TJP3: variants seen among roughly 807,000 people sequenced by gnomAD.
The protein encoded by TJP3 is tight junction protein ZO-3.
Under a neutral mutation model 104.2 loss-of-function variants are expected in TJP3, and 85 were observed. The ratio of observed to expected loss-of-function variants is 0.82; its 90% CI spans 0.68 to 0.98. The LOEUF is 0.98. Among genes scored for constraint, TJP3 ranks in the 50% least tolerant of loss-of-function variants. The pLI is 0.00. For synonymous variants in TJP3, 550 were observed against 550.6 expected, an observed-to-expected ratio of 1.00 and a Z score of 0.02; for missense variants, 1,367 against 1,322.8, an observed-to-expected ratio of 1.03 and a Z score of -0.52.
In TJP3 at chr19:3,728,643, C is replaced by A; in HGVS notation, c.88C>A (p.Arg30=). The change falls in exon 3 of 21, where the codon CGA becomes AGA. Residue 30 remains arginine, a synonymous_variant. Transcript: ENST00000541714. ...RGFGIAISGG[R]DRPGGSMVVS... is the part of the protein sequence containing the mutation. ...CTTTGGCATTGCGATCTCTGGAGGC[C>A]GAGACCGGCCCGGTGGATCCATGGT... 1 of 1,613,694 alleles carries A rather than the reference C, an allele frequency of 6.2e-7. No homozygotes were observed. The highest frequency in any genetic ancestry group is 1.3e-5 in the African/African-American group (1 of 75,050).
chr19:3,740,599 T>A lies in TJP3; in HGVS notation c.1679T>A (p.Val560Asp). The A allele has an allele frequency of 1.3e-6, 2 of 1,543,826 alleles. No individual in the cohort carries two copies. Among genetic ancestry groups the A allele is most frequent in the Non-Finnish European group, 8.7e-7 (1 of 1,146,382 alleles). ...SLEAAQRAVG[V>D]GPGSSAGSNA... ...GAAGCTGCCCAGAGGGCCGTGGGAG[T>A]CGGGCCCGGCTCCTCCGCGGGCTCC... Residue 560 changes from valine (V) to aspartate (D), a missense_variant, in exon 14 of 21, where the codon GTC (valine) becomes GAC (aspartate). Val to Asp is a radical substitution (Grantham distance 152, BLOSUM62 -3). Coordinates refer to ENST00000541714, the MANE Select transcript of TJP3 (RefSeq NM_001267560.2).
rs1354357433 is a variant in TJP3 at position 3,738,993 on chromosome 19, C to A, written c.1490C>A (p.Thr497Asn). The A allele has an allele frequency of 6.2e-7, 1 of 1,613,116 alleles. No individual in the cohort carries two copies. Among genetic ancestry groups the A allele is most frequent in the African/African-American group, 1.3e-5 (1 of 74,952 alleles). ...EPSPPSGLGF[T>N]RGDVFHVLDT... Reference sequence around the variant, plus strand: ...AGTCCACCGTCTGGCCTGGGCTTCACCCGTGGCGACGTCTTCCACGTGCTG... The same window carrying A: ...AGTCCACCGTCTGGCCTGGGCTTCAACCGTGGCGACGTCTTCCACGTGCTG... The change falls in exon 13 of 21, where the codon ACC (threonine) becomes AAC (asparagine). Residue 497 changes from threonine (T) to asparagine (N), a missense_variant. Coordinates refer to ENST00000541714, the MANE Select transcript of TJP3 (RefSeq NM_001267560.2).
At chr19:3,718,542 G>C (rs2036513145) in intron 1 of TJP3, among the ~76,000 whole-genome samples, 1 of 150,958 alleles carries the variant, frequency 6.6e-6, no homozygotes, top group South Asian at 2.1e-4. Flanking sequence ...AATCTTGGCT[G>C]ACTGCAACCT....
intron 1 of TJP3, among the ~76,000 whole-genome samples, chr19:3,714,690 G>A (rs928827300): frequency 6.6e-6 from 1 of 151,984 alleles, no homozygotes; most frequent in Non-Finnish European, 1.5e-5. Context: ...GGCGGATCAC[G>A]AGGTCAGAGT....
At position 3,743,920 on chromosome 19, in the gene TJP3, C is replaced by T. The variant is rs569111149; in HGVS notation, c.1844-19C>T. The T allele has an allele frequency of 3.7e-5, 59 of 1,612,288 alleles. No individual in the cohort carries two copies. The African/African-American group carries it at 7.1e-4, about 19-fold the overall frequency. On this transcript the variant is annotated intron_variant, in intron 14 of 20. Coordinates refer to ENST00000541714, the MANE Select transcript of TJP3 (RefSeq NM_001267560.2). Reference sequence around the variant, plus strand: ...CGCAAATGGGACCCTGATTCTTTCACTGTGTCTCTACCCCTCAGCCAGTTT... The same window carrying T: ...CGCAAATGGGACCCTGATTCTTTCATTGTGTCTCTACCCCTCAGCCAGTTT...
intron 1 of TJP3, among the ~76,000 whole-genome samples, chr19:3,715,121 G>A (rs1371254639): frequency 6.8e-6 from 1 of 146,604 alleles, no homozygotes; most frequent in Non-Finnish European, 1.5e-5. Flanking sequence ...ATGGAGTCTC[G>A]CTCTGTCGCC....
Position 3,750,607 on chromosome 19 carries a change from A to G in TJP3, c.2683A>G (p.Lys895Glu). ...AACCTATGAACGGGAAGCCCTGAAG[A>G]AAAAGTTTATGCGAGTACATGATGC... is the stretch of plus-strand genomic sequence containing the variant. ...MRTYEREALK[K>E]KFMRVHDAES... The change falls in exon 21 of 21, where the codon AAA becomes GAA. Residue 895 changes from lysine to glutamate, a missense_variant. By Grantham distance (56) the Lys-to-Glu change is moderately conservative. Coordinates refer to ENST00000541714, the MANE Select transcript of TJP3 (RefSeq NM_001267560.2). 5.0e-6 allele frequency: 8 copies of G among 1,608,694 alleles called. No individual in the cohort carries two copies. The highest frequency in any genetic ancestry group is 6.8e-6 in the Non-Finnish European group (8 of 1,177,586).
chr19:3,715,153 A>C (rs960594457), intron 1 of TJP3, among the ~76,000 whole-genome samples: 6 of 150,160 alleles, frequency 4.0e-5, no homozygotes, highest in African/African-American at 1.5e-4. Flanking sequence ...GCAGTGGCGC[A>C]ATCTCGGCTC....
intron 1 of TJP3, among the ~76,000 whole-genome samples, chr19:3,723,493 T>TA (rs1299676526): frequency 1.3e-5 from 2 of 151,938 alleles, no homozygotes; most frequent in East Asian, 3.9e-4. Context: ...ATGCCTTGAA[T>TA]AAAAAATAAT....
rs1224844604 is a variant in TJP3 at position 3,730,888 on chromosome 19, C to T, written c.613+182C>T. Reference sequence around the variant, plus strand: ...TAGAGATGGGGCTTCACCATGTTGGCAAGGATGGTTTCGAATTCTTGACCT... The same window carrying T: ...TAGAGATGGGGCTTCACCATGTTGGTAAGGATGGTTTCGAATTCTTGACCT... On this transcript the variant is annotated intron_variant, in intron 5 of 20. Coordinates refer to ENST00000541714, the MANE Select transcript of TJP3 (RefSeq NM_001267560.2). This position sits in a 1 kb window ranked among gnomAD's most constrained non-coding sequence, Gnocchi z 7.3. Among the ~76,000 whole-genome samples, 1 of 152,146 alleles carries T rather than the reference C, an allele frequency of 6.6e-6. No homozygotes were observed. Among genetic ancestry groups the T allele is most frequent in the Non-Finnish European group, 1.5e-5 (1 of 68,014 alleles).
At chr19:3,728,517 T>G (rs769379767) in intron 2 of TJP3, 37 bp downstream of exon 2, 7 of 1,601,152 alleles carry the variant, frequency 4.4e-6, no homozygotes, top group Non-Finnish European at 6.0e-6. Flanking sequence ...TGCCAGAGAG[T>G]ATGGCGGCTT....
intron 12 of TJP3, 29 bp downstream of exon 12, chr19:3,738,692 G>C (rs1357708393): frequency 6.3e-7 from 1 of 1,590,282 alleles, no homozygotes; most frequent in East Asian, 2.2e-5. Flanking sequence ...GGGTGTGCCT[G>C]TGTGTTGCGG....
At chr19:3,744,708 G>A (rs1048175993) in intron 15 of TJP3, among the ~76,000 whole-genome samples, 2 of 151,380 alleles carry the variant, frequency 1.3e-5, no homozygotes, top group Non-Finnish European at 2.9e-5. Context: ...GAGGCCGGGC[G>A]CAGTGGTCAG....
Position 3,747,977 on chromosome 19 carries a change from G to A in TJP3, c.2506G>A (p.Glu836Lys), listed in dbSNP as rs1335597819. The change falls in exon 19 of 21, where the codon GAG (glutamate) becomes AAG (lysine). Residue 836 changes from glutamate to lysine, a missense_variant. Transcript: ENST00000541714. ...GGGGCCCTACACGGATGTGGATGAT[G>A]AGCCCCCGGCTCCAGCCCTGGCCCG... ...EGGPYTDVDD[E>K]PPAPALARSS... 1.2e-6 allele frequency: 2 copies of A among 1,612,590 alleles called. No individual in the cohort carries two copies. Among genetic ancestry groups the A allele is most frequent in the Non-Finnish European group, 8.5e-7 (1 of 1,179,714 alleles).
At chr19:3,742,669 G>A (rs495856) in intron 14 of TJP3, among the ~76,000 whole-genome samples, 16,394 of 100,350 alleles carry the variant, frequency 0.16, 2,411 homozygotes, top group Non-Finnish European at 0.23. Context: ...ACGGCCAGGC[G>A]TGGTGGCTCA....
At position 3,746,867 on chromosome 19, in the gene TJP3, GGAA is replaced by G. The variant is rs756017089; in HGVS notation, c.2316_2318del (p.Glu772del). On this transcript the variant is annotated inframe_deletion, in exon 18 of 21. Coordinates refer to ENST00000541714, the MANE Select transcript of TJP3 (RefSeq NM_001267560.2). This position sits in a 1 kb window ranked among gnomAD's most constrained non-coding sequence, Gnocchi z 4.1. ...AGCAGACGCGGCCCATCTGGACGGC[GGAA>G]GATCAGGTACTGCCGCGGTGTGGGT... 2.5e-6 allele frequency: 4 copies of G among 1,606,568 alleles called. No homozygotes were observed. The highest frequency in any genetic ancestry group is 1.3e-5 in the African/African-American group (1 of 74,796).
chr19:3,733,343 T>G (rs2036696788), intron 6 of TJP3, among the ~76,000 whole-genome samples: 1 of 152,182 alleles, frequency 6.6e-6, no homozygotes, highest in Non-Finnish European at 1.5e-5. Flanking sequence ...ACTCTAGATA[T>G]CTGTTTCTAG....
Position 3,734,386 on chromosome 19 carries a change from C to A in TJP3, c.937C>A (p.Pro313Thr), listed in dbSNP as rs761114012. 1.2e-6 allele frequency: 2 copies of A among 1,613,338 alleles called. No individual in the cohort carries two copies. Among genetic ancestry groups the A allele is most frequent in the East Asian group, 2.2e-5 (1 of 44,866 alleles). ...QAPPSHIPPP[P>T]RHAQRSPEAS... Reference sequence around the variant, plus strand: ...ACCACCATCCCACATCCCACCACCACCCCGGCATGCTCAGCGGAGCCCCGA... The same window carrying A: ...ACCACCATCCCACATCCCACCACCAACCCGGCATGCTCAGCGGAGCCCCGA... The change falls in exon 8 of 21, where the codon CCC becomes ACC. Residue 313 changes from proline (P) to threonine (T), a missense_variant. Coordinates refer to ENST00000541714, the MANE Select transcript of TJP3 (RefSeq NM_001267560.2).
At chr19:3,717,366 G>GTGC (rs1160427099) in intron 1 of TJP3, among the ~76,000 whole-genome samples, 3 of 122,372 alleles carry the variant, frequency 2.5e-5, no homozygotes, top group Non-Finnish European at 6.0e-5. Context: ...GCCATCCAAA[G>GTGC]TGGGATTACA....
Sources: gnomAD v4.1 joint callset for allele counts (sites outside exome capture counted in the v4.1 genomes callset) on GRCh38, gnomAD v4.1.1 for gene constraint, Gnocchi (gnomAD v3.1) non-coding constraint, MANE v1.5 for transcripts, NCBI Gene and HGNC (gene_info 2026-07-23, HGNC 2026-07-21) for gene names.